Variants in ROBO2 observed in about 807,000 individuals in gnomAD.
ROBO2 encodes the protein roundabout homolog 2.
Under a neutral mutation model 160.8 loss-of-function variants are expected in ROBO2, and 53 were observed. The ratio of observed to expected loss-of-function variants is 0.33; its 90% CI spans 0.26 to 0.41. ROBO2 has a LOEUF of 0.41. Ranked by LOEUF, ROBO2 falls within the 10% of genes least tolerant of loss-of-function variation. ROBO2 has a pLI of 1.00. For missense variants in ROBO2, 1,577 were observed against 1,722.4 expected, an observed-to-expected ratio of 0.92 and a Z score of 1.49; for synonymous variants, 664 against 611.7, an observed-to-expected ratio of 1.09 and a Z score of -1.26.
chr3:76,948,930 T>C (rs1195854927), intron 2 of ROBO2, among the ~76,000 whole-genome samples: 1 of 110,318 alleles, frequency 9.1e-6, no homozygotes, highest in African/African-American at 3.5e-5. Flanking sequence ...TTTTTTTTTT[T>C]AGTAGAGATG....
Position 76,622,311 on chromosome 3 carries a change from A to T in ROBO2, c.110-475703A>T, listed in dbSNP as rs55805286. Among the ~76,000 whole-genome samples the T allele has an allele frequency of 1.8e-5, 2 of 112,678 alleles. 1 individual carries two copies. The highest frequency in any genetic ancestry group is 6.6e-5 in the African/African-American group (2 of 30,294). 73.9% of individuals were successfully genotyped at this position (112,678 alleles called of 152,430 possible). ...GAAAGAAAGAAAGAAAGAAAGAAAG[A>T]AAACATAGCCAGGTGTAGTGGTGCA... On this transcript the variant is annotated intron_variant, in intron 2 of 26. Coordinates refer to the ROBO2 transcript ENST00000487694.
At chr3:76,934,972 T>TTTTTTTTTTTG (rs1480959046) in intron 2 of ROBO2, among the ~76,000 whole-genome samples, 1 of 151,778 alleles carries the variant, frequency 6.6e-6, no homozygotes, top group Non-Finnish European at 1.5e-5. Context: ...TTTTTTTTTT[T>TTTTTTTTTTTG]AGACCATCTC....
intron 2 of ROBO2, among the ~76,000 whole-genome samples, chr3:76,205,135 C>T (rs1271012077): frequency 6.6e-6 from 1 of 152,068 alleles, no homozygotes; most frequent in Admixed American, 6.6e-5. Context: ...GGAGATGATC[C>T]TCGTATTTTT....
intron 2 of ROBO2, among the ~76,000 whole-genome samples, chr3:76,515,941 C>T (rs1186745549): frequency 6.6e-6 from 1 of 152,078 alleles, no homozygotes; most frequent in African/African-American, 2.4e-5. Context: ...TGGCTGATGA[C>T]ATGTGGTACC....
intron 2 of ROBO2, among the ~76,000 whole-genome samples, chr3:77,108,501 G>A (rs2073158475): frequency 6.6e-6 from 1 of 152,050 alleles, no homozygotes; most frequent in Non-Finnish European, 1.5e-5. Flanking sequence ...TTAAATCAAT[G>A]TTTAAACATC....
At chr3:76,458,511 T>G (rs142629628) in intron 2 of ROBO2, among the ~76,000 whole-genome samples, 1 of 152,314 alleles carries the variant, frequency 6.6e-6, no homozygotes, top group Non-Finnish European at 1.5e-5. Context: ...TGTCTTCTTC[T>G]TAGCCCTGCA....
intron 2 of ROBO2, among the ~76,000 whole-genome samples, chr3:76,048,728 G>A (rs1443034465): frequency 6.6e-6 from 1 of 152,166 alleles, no homozygotes; most frequent in African/African-American, 2.4e-5. Context: ...AGACACATGT[G>A]CATCAGGGCA....
chr3:76,395,859 C>A (rs1015668911), intron 2 of ROBO2, among the ~76,000 whole-genome samples: 3 of 151,998 alleles, frequency 2.0e-5, no homozygotes, highest in African/African-American at 7.3e-5. Flanking sequence ...GAGTCCAGGA[C>A]CAGATGGATT....
intron 2 of ROBO2, among the ~76,000 whole-genome samples, chr3:76,540,658 A>G (rs2082765140): frequency 6.6e-6 from 1 of 152,192 alleles, no homozygotes; most frequent in East Asian, 1.9e-4. Context: ...TGCAGTGAAC[A>G]CTATTCTTCC....
chr3:77,066,611 A>AAGTT (rs1048596371), intron 1 of ROBO2, among the ~76,000 whole-genome samples: 2 of 152,194 alleles, frequency 1.3e-5, no homozygotes, highest in Admixed American at 1.3e-4. Context: ...GTAGGGAAAT[A>AAGTT]AGTTAATGTA....
At chr3:76,372,731 T>C (rs1231167904) in intron 2 of ROBO2, among the ~76,000 whole-genome samples, 1 of 151,874 alleles carries the variant, frequency 6.6e-6, no homozygotes, top group Non-Finnish European at 1.5e-5. Flanking sequence ...CACATGCTTT[T>C]ATCATTACTG....
chr3:76,605,151 G>A (rs1032977483), intron 2 of ROBO2, among the ~76,000 whole-genome samples: 1 of 152,152 alleles, frequency 6.6e-6, no homozygotes, highest in Admixed American at 6.5e-5. Context: ...TTGTTGAATG[G>A]CTATGCTAAA....
intron 2 of ROBO2, among the ~76,000 whole-genome samples, chr3:76,314,025 A>G (rs182468969): frequency 3.0e-3 from 462 of 152,284 alleles, no homozygotes; most frequent in Middle Eastern, 0.014. Context: ...GAACATTTGG[A>G]AAAAAGGCAG....
intron 2 of ROBO2, among the ~76,000 whole-genome samples, chr3:76,760,996 C>T (rs1320659306): frequency 6.6e-6 from 1 of 151,462 alleles, no homozygotes; most frequent in Non-Finnish European, 1.5e-5. Flanking sequence ...GGAAATTATG[C>T]ACCTTCTACA....
intron 2 of ROBO2, among the ~76,000 whole-genome samples, chr3:76,842,488 G>A (rs2068380094): frequency 6.6e-6 from 1 of 152,156 alleles, no homozygotes; most frequent in Admixed American, 6.5e-5. Context: ...TGGACTACCA[G>A]TTCTGCTGCT....
chr3:76,102,829 CT>C (rs146647759), intron 2 of ROBO2, among the ~76,000 whole-genome samples: 99 of 144,924 alleles, frequency 6.8e-4, no homozygotes, highest in Non-Finnish European at 7.3e-4. Flanking sequence ...AGAGACCTGA[CT>C]TTTTTTTTTT....
chr3:77,141,493 G>A (rs2076698776), intron 2 of ROBO2, among the ~76,000 whole-genome samples: 1 of 152,114 alleles, frequency 6.6e-6, no homozygotes, highest in African/African-American at 2.4e-5. Flanking sequence ...AGAGTCAAAG[G>A]CTGACAAATG....
At chr3:77,121,273 T>C (rs2074739241) in intron 2 of ROBO2, among the ~76,000 whole-genome samples, 1 of 152,106 alleles carries the variant, frequency 6.6e-6, no homozygotes, top group African/African-American at 2.4e-5. Flanking sequence ...CCTGAATACA[T>C]GCTCAGGTTT....
chr3:77,640,031 G>C (rs1250311531), intron 24 of ROBO2, among the ~76,000 whole-genome samples: 1 of 147,438 alleles, frequency 6.8e-6, no homozygotes, highest in Non-Finnish European at 1.5e-5. Context: ...ACATTACTCT[G>C]AAATTTTGGC....
Sources: gnomAD v4.1 joint callset for allele counts (sites outside exome capture counted in the v4.1 genomes callset) on GRCh38, gnomAD v4.1.1 for gene constraint, MANE v1.5 for transcripts, NCBI Gene and HGNC (gene_info 2026-07-23, HGNC 2026-07-21) for gene names.